RPTOR: variants seen among roughly 807,000 people sequenced by gnomAD.
RPTOR encodes regulatory-associated protein of mTOR.
A neutral mutation model predicts 169.9 loss-of-function variants in RPTOR; 21 were observed. The ratio of observed to expected loss-of-function variants is 0.12; its 90% CI spans 0.09 to 0.18. The LOEUF (loss-of-function observed/expected upper bound fraction) is 0.18. RPTOR is among the 10% of genes least tolerant of loss of function. The pLI, the probability that RPTOR is intolerant of heterozygous loss-of-function variation, is 1.00. For missense variants in RPTOR, 1,133 were observed against 1,855.9 expected (o/e 0.61, Z 7.16); for synonymous variants, 732 against 753.2 (o/e 0.97, Z 0.46).
intron 7 of RPTOR, among the ~76,000 whole-genome samples, chr17:80,811,491 T>C (rs949590654): frequency 6.6e-6 from 1 of 152,226 alleles, no homozygotes; most frequent in African/African-American, 2.4e-5. Flanking sequence ...TCATTGAAGA[T>C]CATCTCACAT....
Position 80,949,671 on chromosome 17 carries a change from C to T in RPTOR, c.3370+124C>T, listed in dbSNP as rs539003400. On this transcript the variant is annotated intron_variant, in intron 28 of 33. Coordinates refer to ENST00000306801, the MANE Select transcript of RPTOR (RefSeq NM_020761.3). ...TGCTCCACCTCAGAGTCCCCAGAAT[C>T]CTAAAGCAACAGCTCCCCGCCAATG... The T allele has an allele frequency of 9.3e-5, 70 of 751,438 alleles. No individual in the cohort carries two copies. The African/African-American group carries it at 1.0e-3, about 11-fold the overall frequency. 46.5% of individuals were successfully genotyped at this position (751,438 alleles called of 1,614,324 possible). A position where few individuals can be genotyped will look rare whatever the true frequency, so the allele number is the denominator to read the frequency against.
At chr17:80,874,691 C>T (rs1247665231) in intron 13 of RPTOR, among the ~76,000 whole-genome samples, 2 of 152,060 alleles carry the variant, frequency 1.3e-5, no homozygotes, top group Non-Finnish European at 2.9e-5. Flanking sequence ...GTATCATTTC[C>T]CCAGGCATTA....
Position 80,892,742 on chromosome 17 carries a change from G to A in RPTOR, c.2115G>A (p.Leu705=). 6.2e-7 allele frequency: 1 copy of A among 1,613,890 alleles called. No homozygotes were observed. Among genetic ancestry groups the A allele is most frequent in the Non-Finnish European group, 8.5e-7 (1 of 1,179,844 alleles). ...CTTCTTTCCCAGAGGGAGGGAGTTTGACCCCAGTGCGAGACAGCCCGTGCA... is the reference window on the plus strand; with the variant it reads ...CTTCTTTCCCAGAGGGAGGGAGTTTAACCCCAGTGCGAGACAGCCCGTGCA... ...PSPATTEGGS[L]TPVRDSPCTP... is the part of the protein sequence containing the mutation. The change falls in exon 19 of 34, where the codon TTG becomes TTA. Residue 705 remains leucine, a synonymous_variant. Coordinates refer to ENST00000306801, the MANE Select transcript of RPTOR (RefSeq NM_020761.3).
At chr17:80,817,675 C>A (rs1288692774) in intron 7 of RPTOR, among the ~76,000 whole-genome samples, 1 of 152,086 alleles carries the variant, frequency 6.6e-6, no homozygotes, top group African/African-American at 2.4e-5. Context: ...GGGAGAGTGA[C>A]TGTGATGGGC....
chr17:80,589,565 T>C (rs2065088677), intron 1 of RPTOR, among the ~76,000 whole-genome samples: 1 of 152,220 alleles, frequency 6.6e-6, no homozygotes, highest in Non-Finnish European at 1.5e-5. Flanking sequence ...AGACTTGACA[T>C]CTTTTCAATA....
intron 24 of RPTOR, among the ~76,000 whole-genome samples, chr17:80,938,960 A>G (rs1410491092): frequency 2.0e-5 from 3 of 152,170 alleles, no homozygotes; most frequent in African/African-American, 7.2e-5. Flanking sequence ...TCTCCGCCAC[A>G]TTTACGTGCA....
intron 1 of RPTOR, among the ~76,000 whole-genome samples, chr17:80,555,225 C>G (rs1020809625): frequency 1.3e-5 from 2 of 152,196 alleles, no homozygotes; most frequent in Non-Finnish European, 2.9e-5. Context: ...CATAAAGGCC[C>G]TAATCTGTTG....
chr17:80,921,247 A>G (rs2068741318), intron 21 of RPTOR, among the ~76,000 whole-genome samples: 1 of 152,248 alleles, frequency 6.6e-6, no homozygotes, highest in Non-Finnish European at 1.5e-5. Flanking sequence ...GCTGGAGCGC[A>G]GCCTGGGATG....
chr17:80,890,211 C>G (rs978117408), intron 17 of RPTOR, among the ~76,000 whole-genome samples: 6 of 152,338 alleles, frequency 3.9e-5, no homozygotes, highest in Middle Eastern at 3.4e-3. Flanking sequence ...GGGCCCACCA[C>G]CTCGGTGCAC....
intron 26 of RPTOR, 114 bp downstream of exon 26, chr17:80,945,895 C>A: frequency 1.7e-6 from 1 of 580,908 alleles, no homozygotes. Flanking sequence ...AGGCACTCAC[C>A]CCGAGGCCCT....
chr17:80,606,937 T>C (rs2065233576), intron 1 of RPTOR, among the ~76,000 whole-genome samples: 1 of 152,188 alleles, frequency 6.6e-6, no homozygotes, highest in Admixed American at 6.5e-5. Flanking sequence ...TTGAGATTTC[T>C]AGAGGGAGCT....
intron 13 of RPTOR, among the ~76,000 whole-genome samples, chr17:80,877,309 G>GTATT (rs2068132157): frequency 6.6e-6 from 1 of 152,208 alleles, no homozygotes; most frequent in Non-Finnish European, 1.5e-5. Flanking sequence ...TTGAGTTAGT[G>GTATT]AAAATGTGTG....
intron 9 of RPTOR, among the ~76,000 whole-genome samples, chr17:80,825,411 C>G (rs55831926): frequency 0.04 from 5,899 of 148,660 alleles, 150 homozygotes; most frequent in East Asian, 0.072. Context: ...AGACTGCTTT[C>G]TAGGACTGGC....
chr17:80,761,148 T>G (rs1198875799), intron 6 of RPTOR, among the ~76,000 whole-genome samples: 1 of 152,240 alleles, frequency 6.6e-6, no homozygotes, highest in Non-Finnish European at 1.5e-5. Context: ...CTTGGCTGTT[T>G]TCTACTTCTT....
At chr17:80,954,242 C>A (rs532961654) in intron 28 of RPTOR, among the ~76,000 whole-genome samples, 1 of 152,328 alleles carries the variant, frequency 6.6e-6, no homozygotes, top group East Asian at 1.9e-4. Flanking sequence ...CTGCCTCAGC[C>A]TCCCAAGTAG....
chr17:80,849,915 G>A (rs1347195246), intron 11 of RPTOR, among the ~76,000 whole-genome samples: 19 of 152,248 alleles, frequency 1.2e-4, no homozygotes, highest in Admixed American at 1.1e-3. Context: ...TCAGTGCTGT[G>A]TGCCCCCAAC....
intron 2 of RPTOR, among the ~76,000 whole-genome samples, chr17:80,631,576 A>G (rs1450672685): frequency 2.0e-5 from 3 of 152,056 alleles, no homozygotes; most frequent in Non-Finnish European, 4.4e-5. Flanking sequence ...CAGCTCCCTT[A>G]TGAGCTCAAG....
rs1567864675 is a variant in RPTOR at position 80,700,731 on chromosome 17, T to TGATGGTGATGGTGATGGTAGA, written c.349-7103_349-7102insATGGTGATGGTAGAGATGGTG. ...GTGATGGTGGTGGTGGTGGTGGTGATGATGGTGGTGGTGGTGGTGGTGATG... is the reference window on the plus strand; with the variant it reads ...GTGATGGTGGTGGTGGTGGTGGTGATGATGGTGATGGTGATGGTAGAGATGGTGGTGGTGGTGGTGGTGATG... On this transcript the variant is annotated intron_variant, in intron 3 of 33. Coordinates refer to ENST00000306801, the MANE Select transcript of RPTOR (RefSeq NM_020761.3). 1.1e-3 allele frequency among the ~76,000 whole-genome samples: 19 copies of TGATGGTGATGGTGATGGTAGA among 16,582 alleles called. 2 individuals are homozygous for TGATGGTGATGGTGATGGTAGA. Among genetic ancestry groups the TGATGGTGATGGTGATGGTAGA allele is most frequent in the South Asian group, 3.4e-3 (2 of 592 alleles). 10.9% of individuals were successfully genotyped at this position (16,582 alleles called of 152,430 possible).
At chr17:80,927,961 G>A (rs1238793415) in intron 24 of RPTOR, among the ~76,000 whole-genome samples, 1 of 152,106 alleles carries the variant, frequency 6.6e-6, no homozygotes, top group Non-Finnish European at 1.5e-5. Context: ...ATTAGTCCAA[G>A]GGGATCCATG....
Sources: gnomAD v4.1 joint callset for allele counts (sites outside exome capture counted in the v4.1 genomes callset) on GRCh38, gnomAD v4.1.1 for gene constraint, MANE v1.5 for transcripts, NCBI Gene and HGNC (gene_info 2026-07-23, HGNC 2026-07-21) for gene names.